PTPRM: variants seen among roughly 807,000 people sequenced by gnomAD.
PTPRM encodes protein tyrosine phosphatase receptor type M.
In PTPRM, 47 loss-of-function variants were observed where a neutral mutation model predicts 186.7. The ratio of observed to expected loss-of-function variants is 0.25; its 90% CI spans 0.20 to 0.32. PTPRM has a LOEUF of 0.32. Among genes scored for constraint, PTPRM ranks in the 10% least tolerant of loss-of-function variants. The pLI is 1.00. For missense variants in PTPRM, 1,494 were observed against 1,865.0 expected (o/e 0.80, Z 3.66); for synonymous variants, 668 against 674.9 (o/e 0.99, Z 0.16).
intron 5 of PTPRM, among the ~76,000 whole-genome samples, chr18:7,936,732 G>T (rs2051838106): frequency 6.6e-6 from 1 of 152,144 alleles, no homozygotes; most frequent in Non-Finnish European, 1.5e-5. Context: ...CTGCAGTTCG[G>T]GAGTGGGAAA....
At chr18:7,984,741 AT>A (rs1568129783) in intron 7 of PTPRM, among the ~76,000 whole-genome samples, 1 of 141,422 alleles carries the variant, frequency 7.1e-6, no homozygotes, top group African/African-American at 2.6e-5. Context: ...ATATATACAT[AT>A]AAAATTATAT....
At chr18:7,745,718 TACAG>T (rs2040972057) in intron 1 of PTPRM, among the ~76,000 whole-genome samples, 2 of 151,692 alleles carry the variant, frequency 1.3e-5, no homozygotes, top group African/African-American at 4.8e-5. Context: ...CAAGAGAAAA[TACAG>T]ATAATAGAAA....
At chr18:8,361,786 C>A (rs748896937) in intron 23 of PTPRM, among the ~76,000 whole-genome samples, 22 of 152,334 alleles carry the variant, frequency 1.4e-4, no homozygotes, top group Non-Finnish European at 2.4e-4. Flanking sequence ...CTAGGATTAG[C>A]CCCAAGCCCT....
chr18:8,209,541 A>C (rs1004506713), intron 14 of PTPRM, among the ~76,000 whole-genome samples: 24 of 152,068 alleles, frequency 1.6e-4, no homozygotes, highest in African/African-American at 5.3e-4. Context: ...GGGACTGAGA[A>C]ATTTGAAATG....
chr18:7,856,139 A>G (rs905506290), intron 2 of PTPRM, among the ~76,000 whole-genome samples: 2 of 152,186 alleles, frequency 1.3e-5, no homozygotes, highest in Non-Finnish European at 2.9e-5. Flanking sequence ...TTAATGATCC[A>G]GCATTCTAGA....
At chr18:7,990,316 G>T (rs1328975442) in intron 7 of PTPRM, among the ~76,000 whole-genome samples, 1 of 152,144 alleles carries the variant, frequency 6.6e-6, no homozygotes, top group Non-Finnish European at 1.5e-5. Context: ...GTGTGTGTTT[G>T]TGTGTGTGCG....
chr18:7,690,792 AG>A (rs1402883191), intron 1 of PTPRM, among the ~76,000 whole-genome samples: 1 of 152,234 alleles, frequency 6.6e-6, no homozygotes, highest in African/African-American at 2.4e-5. Context: ...CTTCAGGGAA[AG>A]CCTAACATTT....
At chr18:7,602,905 A>AATTATTATTATTATT (rs71354561) in intron 1 of PTPRM, among the ~76,000 whole-genome samples, 1,633 of 141,696 alleles carry the variant, frequency 0.012, 17 homozygotes, top group South Asian at 0.033. Flanking sequence ...ATGTATTTGG[A>AATTATTATTATTATT]ATTATTATTA....
At chr18:8,347,765 T>A (rs565119785) in intron 23 of PTPRM, among the ~76,000 whole-genome samples, 26 of 152,248 alleles carry the variant, frequency 1.7e-4, no homozygotes, top group Non-Finnish European at 3.7e-4. Context: ...AGTCCGTAGA[T>A]TTAAAGTAAC....
intron 19 of PTPRM, among the ~76,000 whole-genome samples, chr18:8,259,052 C>T (rs551731642): frequency 4.5e-4 from 68 of 152,128 alleles, no homozygotes; most frequent in Non-Finnish European, 7.2e-4. Flanking sequence ...TGGATTAAAG[C>T]GATACTCAAG....
chr18:7,940,285 A>T (rs2052084495), intron 5 of PTPRM, among the ~76,000 whole-genome samples: 1 of 152,244 alleles, frequency 6.6e-6, no homozygotes, highest in Non-Finnish European at 1.5e-5. Flanking sequence ...AAACCAGGCA[A>T]GGATCCCTGC....
At chr18:8,249,323 A>G (rs921914635) in intron 17 of PTPRM, among the ~76,000 whole-genome samples, 1 of 152,192 alleles carries the variant, frequency 6.6e-6, no homozygotes, top group East Asian at 1.9e-4. Flanking sequence ...ATGAATTAAG[A>G]TAGAACTTTA....
chr18:8,203,071 T>C (rs553236467), intron 14 of PTPRM, among the ~76,000 whole-genome samples: 1 of 152,236 alleles, frequency 6.6e-6, no homozygotes, highest in Non-Finnish European at 1.5e-5. Context: ...CAAACTGAAT[T>C]ATATTTGTGC....
At chr18:7,953,011 G>A (rs768638191) in intron 6 of PTPRM, among the ~76,000 whole-genome samples, 20 of 152,244 alleles carry the variant, frequency 1.3e-4, no homozygotes, top group Non-Finnish European at 2.4e-4. Flanking sequence ...GTCTAAAAAC[G>A]AAAATTTAAA....
chr18:7,941,986 T>C (rs1385767283), intron 5 of PTPRM, among the ~76,000 whole-genome samples: 1 of 152,102 alleles, frequency 6.6e-6, no homozygotes, highest in African/African-American at 2.4e-5. Flanking sequence ...GATAAACACA[T>C]AAAAAATTAT....
intron 1 of PTPRM, chr18:7,751,455 C>T (rs1311544222): frequency 1.3e-5 from 2 of 152,166 alleles, no homozygotes; most frequent in Non-Finnish European, 2.9e-5. Flanking sequence ...CTTTATTGAC[C>T]ATGCCATTCC....
At chr18:8,207,771 G>A (rs1017419210) in intron 14 of PTPRM, among the ~76,000 whole-genome samples, 2 of 152,082 alleles carry the variant, frequency 1.3e-5, no homozygotes, top group Admixed American at 1.3e-4. Flanking sequence ...ACAATTTATT[G>A]AGACAGAAAA....
intron 14 of PTPRM, among the ~76,000 whole-genome samples, chr18:8,190,027 T>C (rs145098549): frequency 3.4e-3 from 511 of 152,304 alleles, no homozygotes; most frequent in African/African-American, 0.012. Flanking sequence ...AAATGACTTA[T>C]AACAACTATA....
chr18:8,144,713 T>G (rs2092841341), intron 14 of PTPRM, among the ~76,000 whole-genome samples: 1 of 152,228 alleles, frequency 6.6e-6, no homozygotes, highest in South Asian at 2.1e-4. Context: ...TTGAAAACTA[T>G]GCAGTGTCTT....
Sources: gnomAD v4.1 joint callset for allele counts (sites outside exome capture counted in the v4.1 genomes callset) on GRCh38, gnomAD v4.1.1 for gene constraint, MANE v1.5 for transcripts, NCBI Gene and HGNC (gene_info 2026-07-23, HGNC 2026-07-21) for gene names.